Variants in STAC2 observed in about 807,000 individuals in gnomAD.
The protein encoded by STAC2 is SH3 and cysteine rich domain 2, also known as SH3 and cysteine-rich domain-containing protein 2.
A neutral mutation model predicts 49.0 loss-of-function variants in STAC2; 36 were observed. The ratio of observed to expected loss-of-function variants is 0.74; its 90% CI spans 0.56 to 0.97. The LOEUF (loss-of-function observed/expected upper bound fraction) is 0.97, where lower values mean the gene tolerates loss of function less well. STAC2 is among the 50% of genes least tolerant of loss of function. STAC2 has a pLI of 0.00. For missense variants in STAC2, 527 were observed against 543.8 expected, an observed-to-expected ratio of 0.97 and a Z score of 0.31; for synonymous variants, 239 against 214.7, an observed-to-expected ratio of 1.11 and a Z score of -0.99.
At position 39,225,497 on chromosome 17, in the gene STAC2, G is replaced by T; in HGVS notation, c.6C>A (p.Thr2=). The change falls in exon 1 of 11, where the codon ACC becomes ACA. Residue 2 remains threonine, a synonymous_variant. Coordinates refer to ENST00000333461, the MANE Select transcript of STAC2 (RefSeq NM_198993.5). This position sits in a 1 kb window ranked among gnomAD's most constrained non-coding sequence, Gnocchi z 8.2. ...GTTCGTTCTCCTTCTCGCTCATCTC[G>T]GTCATGGTTCGGGGAGAGGGGAGGA... M[T]EMSEKENEPD... is the part of the protein sequence containing the mutation. 6 of 1,610,654 alleles carry T rather than the reference G, an allele frequency of 3.7e-6. No homozygotes were observed. The highest frequency in any genetic ancestry group is 5.1e-6 in the Non-Finnish European group (6 of 1,178,940).
rs1052731724 is a variant in STAC2 at position 39,213,532 on chromosome 17, T to C, written c.968A>G (p.Asp323Gly). ...LQPGDRIMLV[D>G]DSNEDWWKGK... is the part of the protein sequence containing the mutation. ...CTTCCACCAGTCCTCGTTAGAGTCA[T>C]CCACCAGCATGATCCGATCTCCAGG... is the stretch of plus-strand genomic sequence containing the variant. Residue 323 changes from aspartate to glycine, a missense_variant, in exon 9 of 11, where the codon GAT becomes GGT. By Grantham distance (94) the Asp-to-Gly change is moderately conservative. Coordinates refer to ENST00000333461, the MANE Select transcript of STAC2 (RefSeq NM_198993.5). The C allele has an allele frequency of 6.2e-7, 1 of 1,613,708 alleles. No individual in the cohort carries two copies. Among genetic ancestry groups the C allele is most frequent in the Admixed American group, 1.7e-5 (1 of 59,978 alleles).
Position 39,211,865 on chromosome 17 carries a change from C to T in STAC2, c.*427G>A, listed in dbSNP as rs1458423470. The T allele has an allele frequency of 6.2e-6, 1 of 160,768 alleles. No homozygotes were observed. The highest frequency in any genetic ancestry group is 2.4e-5 in the African/African-American group (1 of 41,576). 10.0% of individuals were successfully genotyped at this position (160,768 alleles called of 1,614,324 possible). ...GCAAAGGAGCAGATGCACGGTCACACACACATAGACCCAAGCAGAGGCTCT... is the reference window on the plus strand; with the variant it reads ...GCAAAGGAGCAGATGCACGGTCACATACACATAGACCCAAGCAGAGGCTCT... On this transcript the variant is annotated 3_prime_UTR_variant, in exon 11 of 11. Coordinates refer to ENST00000333461, the MANE Select transcript of STAC2 (RefSeq NM_198993.5).
intron 1 of STAC2, among the ~76,000 whole-genome samples, chr17:39,220,950 C>T (rs2046456514): frequency 6.6e-6 from 1 of 151,488 alleles, no homozygotes; most frequent in Non-Finnish European, 1.5e-5. Flanking sequence ...GCGCCCGCCA[C>T]CACGCCTGGC....
chr17:39,213,116 C>A lies in STAC2; in HGVS notation c.1010G>T (p.Arg337Leu). ...AAAATTAGCTGGGAAGAAGCCAACC[C>A]GGTCGCCGATCTTGCCCTGGGGATG... ...EDWWKGKIGD[R>L]VGFFPANFVQ... is the part of the protein sequence containing the mutation. Residue 337 changes from arginine (R) to leucine (L), a missense_variant, in exon 10 of 11, where the codon CGG becomes CTG. Physicochemically the swap from Arg to Leu is moderately radical, Grantham distance 102 (BLOSUM62 -2). Transcript: ENST00000333461. The A allele has an allele frequency of 1.2e-6, 2 of 1,609,386 alleles. No homozygotes were observed. Among genetic ancestry groups the A allele is most frequent in the Non-Finnish European group, 1.7e-6 (2 of 1,179,996 alleles).
In STAC2 at chr17:39,212,326, C is replaced by T. The variant is rs767812919; in HGVS notation, c.1202G>A (p.Gly401Asp). 9 of 1,612,226 alleles carry T rather than the reference C, an allele frequency of 5.6e-6. No individual in the cohort carries two copies. The highest frequency in any genetic ancestry group is 7.6e-6 in the Non-Finnish European group (9 of 1,179,140). Residue 401 changes from glycine (G) to aspartate (D), a missense_variant, in exon 11 of 11, where the codon GGC (glycine) becomes GAC (aspartate). Transcript: ENST00000333461. ...AGTCAGGGCGTCGACTGGCACCAGGCCCCGCTTCTTGCCACTGCTGACGCG... is the reference window on the plus strand; with the variant it reads ...AGTCAGGGCGTCGACTGGCACCAGGTCCCGCTTCTTGCCACTGCTGACGCG... ...FIRVSSGKKR[G>D]LVPVDALTEI
chr17:39,217,288 GC>G, intron 2 of STAC2, 115 bp from the exon 3 acceptor site: 2 of 946,296 alleles, frequency 2.1e-6, no homozygotes, highest in Non-Finnish European at 3.3e-6. Flanking sequence ...CAGCCTTGAG[GC>G]CCAGCACCTA....
chr17:39,217,202 G>A, intron 2 of STAC2, 29 bp from the exon 3 acceptor site: 1 of 1,606,118 alleles, frequency 6.2e-7, no homozygotes, highest in Non-Finnish European at 8.5e-7. Flanking sequence ...CAGCAATTGA[G>A]GACACCCCCG....
intron 1 of STAC2, among the ~76,000 whole-genome samples, chr17:39,221,013 G>A (rs2046457515): frequency 6.6e-6 from 1 of 151,146 alleles, no homozygotes; most frequent in Admixed American, 6.6e-5. Flanking sequence ...AGGCAGGATG[G>A]TCTCGATCTC....
chr17:39,224,944 CGGGAGAGACG>C (rs1293476376), intron 1 of STAC2, among the ~76,000 whole-genome samples: 2 of 152,112 alleles, frequency 1.3e-5, no homozygotes, highest in East Asian at 3.9e-4. Flanking sequence ...CCGGAGACGC[CGGGAGAGACG>C]GGGAGAGACG....
At chr17:39,220,149 T>C (rs2046447325) in intron 1 of STAC2, among the ~76,000 whole-genome samples, 1 of 152,180 alleles carries the variant, frequency 6.6e-6, no homozygotes, top group Non-Finnish European at 1.5e-5. Flanking sequence ...TCTTTGTGTA[T>C]CTATGAGAAG....
In STAC2 at chr17:39,212,375, T is replaced by C; in HGVS notation, c.1153A>G (p.Ser385Gly). The C allele has an allele frequency of 6.2e-7, 1 of 1,610,974 alleles. No homozygotes were observed. The highest frequency in any genetic ancestry group is 8.5e-7 in the Non-Finnish European group (1 of 1,178,420). ...CGGATGAAGCCGTCAGCATCCTTGC[T>C]TCTGCCCACGCCCACGCAGATCTGA... ...ENQICVGVGR[S>G]KDADGFIRVS... Residue 385 changes from serine (S) to glycine (G), a missense_variant, in exon 11 of 11, where the codon AGC becomes GGC. Physicochemically the swap from Ser to Gly is moderately conservative, Grantham distance 56. Coordinates refer to ENST00000333461, the MANE Select transcript of STAC2 (RefSeq NM_198993.5).
At position 39,215,228 on chromosome 17, in the gene STAC2, C is replaced by T. The variant is rs1424546486; in HGVS notation, c.589G>A (p.Asp197Asn). Reference protein sequence around the residue: ...ATSKESPPTGDSGKVDPVYET... With the variant: ...ATSKESPPTGNSGKVDPVYET... ...TAGACAGGGTCCACCTTCCCACTGT[C>T]CCCTGCAGATTATCCACCCTCAAGG... is the stretch of plus-strand genomic sequence containing the variant. Residue 197 changes from aspartate (D) to asparagine (N), a missense_variant and splice_region_variant, in exon 5 of 11, where the codon GAC (aspartate) becomes AAC (asparagine). Physicochemically the swap from Asp to Asn is conservative, Grantham distance 23 (BLOSUM62 1). Coordinates refer to ENST00000333461, the MANE Select transcript of STAC2 (RefSeq NM_198993.5). 5 of 1,613,848 alleles carry T rather than the reference C, an allele frequency of 3.1e-6. No homozygotes were observed. The highest frequency in any genetic ancestry group is 4.2e-6 in the Non-Finnish European group (5 of 1,179,976).
intron 1 of STAC2, among the ~76,000 whole-genome samples, chr17:39,218,570 A>C (rs1425760904): frequency 6.6e-6 from 1 of 152,216 alleles, no homozygotes; most frequent in African/African-American, 2.4e-5. Flanking sequence ...AAACAAGTTT[A>C]AGTGGTTTAA....
In STAC2 at chr17:39,212,277, T is replaced by C; in HGVS notation, c.*15A>G. The C allele has an allele frequency of 1.9e-6, 3 of 1,593,518 alleles. No individual in the cohort carries two copies. The highest frequency in any genetic ancestry group is 2.6e-6 in the Non-Finnish European group (3 of 1,166,478). On this transcript the variant is annotated 3_prime_UTR_variant, in exon 11 of 11. Transcript: ENST00000333461. ...GGCATGGGCAAGGGTGTCATCTGGG[T>C]TCCCTTGGCTCCTCTCAGATCTCAG...
chr17:39,213,672 C>CTTTTTT (rs767714627), intron 8 of STAC2, 114 bp from the exon 9 acceptor site: 23 of 373,798 alleles, frequency 6.2e-5, no homozygotes, highest in Non-Finnish European at 9.3e-5. Context: ...AGAGACGATT[C>CTTTTTT]TTTTTTTTTT....
chr17:39,213,218 A>G, intron 9 of STAC2, 86 bp from the exon 10 acceptor site: 2 of 1,567,738 alleles, frequency 1.3e-6, no homozygotes, highest in Non-Finnish European at 1.7e-6. Flanking sequence ...GTTCCCACTC[A>G]GCACCAATGC....
At chr17:39,216,449 T>A (rs1027581135) in intron 4 of STAC2, among the ~76,000 whole-genome samples, 4 of 152,248 alleles carry the variant, frequency 2.6e-5, no homozygotes, top group African/African-American at 9.6e-5. Context: ...GCACTGTGCC[T>A]GGCACTTAGT....
At chr17:39,213,745 T>A (rs972812727) in intron 8 of STAC2, among the ~76,000 whole-genome samples, 187 bp from the exon 9 acceptor site, 1 of 151,244 alleles carries the variant, frequency 6.6e-6, no homozygotes, top group Non-Finnish European at 1.5e-5. Context: ...GGCACGATCT[T>A]GGCTCACTGC....
chr17:39,216,917 CAG>C lies in STAC2; in HGVS notation c.496-19_496-18del. On this transcript the variant is annotated intron_variant, in intron 3 of 10. Coordinates refer to ENST00000333461, the MANE Select transcript of STAC2 (RefSeq NM_198993.5). ...GGAGGTGGACTATGGCAAGAGAGGG[CAG>C]AGAGGTTTTGAGGAGGTCATGGCCT... is the stretch of plus-strand genomic sequence containing the variant. 1 of 1,592,300 alleles carries C rather than the reference CAG, an allele frequency of 6.3e-7. No individual in the cohort carries two copies. The highest frequency in any genetic ancestry group is 1.8e-5 in the Admixed American group (1 of 55,900).
Sources: gnomAD v4.1 joint callset for allele counts (sites outside exome capture counted in the v4.1 genomes callset) on GRCh38, gnomAD v4.1.1 for gene constraint, Gnocchi (gnomAD v3.1) non-coding constraint, MANE v1.5 for transcripts, NCBI Gene and HGNC (gene_info 2026-07-23, HGNC 2026-07-21) for gene names.